Variants in BMAL1 observed in about 807,000 individuals in gnomAD.
BMAL1 encodes the protein basic helix-loop-helix ARNT-like protein 1.
At chr11:13,294,581 G>T in the BMAL1 span, among the ~76,000 whole-genome samples, 1 of 152,330 alleles carries the variant, frequency 6.6e-6, no homozygotes, top group East Asian at 1.9e-4. Context: ...TGAGGAACTT[G>T]TTATAAAGAT....
the BMAL1 span, among the ~76,000 whole-genome samples, chr11:13,324,790 T>C: frequency 6.6e-6 from 1 of 152,192 alleles, no homozygotes; most frequent in African/African-American, 2.4e-5. Context: ...ATGACTGAGT[T>C]AATGCATGCC....
the BMAL1 span, among the ~76,000 whole-genome samples, chr11:13,280,268 C>T: frequency 1.3e-5 from 2 of 152,198 alleles, no homozygotes; most frequent in Admixed American, 6.5e-5. Context: ...CTGCTATTTG[C>T]AGAAGAGGTT....
the BMAL1 span, among the ~76,000 whole-genome samples, chr11:13,377,878 C>T: frequency 6.6e-6 from 1 of 152,238 alleles, no homozygotes; most frequent in South Asian, 2.1e-4. Flanking sequence ...ATTCATCTCT[C>T]AAGACTCAGC....
the BMAL1 span, chr11:13,358,375 A>G: frequency 7.0e-7 from 1 of 1,436,804 alleles, no homozygotes; most frequent in Non-Finnish European, 9.2e-7. Context: ...TATTTTTGTC[A>G]TCTTTTCTTG....
the BMAL1 span, chr11:13,381,181 C>T: frequency 6.2e-7 from 1 of 1,614,172 alleles, no homozygotes. Context: ...TCATCGCCTT[C>T]TAGCTGTGGC....
the BMAL1 span, among the ~76,000 whole-genome samples, chr11:13,317,858 C>T: frequency 2.0e-5 from 3 of 152,198 alleles, no homozygotes; most frequent in Non-Finnish European, 4.4e-5. Flanking sequence ...TACTTTCAGG[C>T]AGAGGTTGAA....
chr11:13,357,217 A>G, the BMAL1 span: 1 of 1,412,250 alleles, frequency 7.1e-7, no homozygotes, highest in South Asian at 1.3e-5. The surrounding 1 kb of genome is among the most constrained non-coding windows in gnomAD (Gnocchi z 4.8). Flanking sequence ...TCACCTCCTT[A>G]GGGAATAGGC....
the BMAL1 span, among the ~76,000 whole-genome samples, chr11:13,318,425 T>A: frequency 2.6e-5 from 4 of 152,134 alleles, no homozygotes; most frequent in Admixed American, 6.5e-5. Context: ...CAACATAAAA[T>A]TTTAAATAAT....
At chr11:13,278,053 G>C in the BMAL1 span, 1 of 151,970 alleles carries the variant, frequency 6.6e-6, no homozygotes, top group Non-Finnish European at 1.5e-5. Context: ...AACCCTGCCC[G>C]ACGTGCCCGC....
At chr11:13,284,257 TATATA>T in the BMAL1 span, among the ~76,000 whole-genome samples, 792 of 28,304 alleles carry the variant, frequency 0.028, 81 homozygotes, top group Non-Finnish European at 0.049. Flanking sequence ...TATATATATA[TATATA>T]TATATTTTTT....
At chr11:13,347,380 C>CA in the BMAL1 span, among the ~76,000 whole-genome samples, 4 of 150,510 alleles carry the variant, frequency 2.7e-5, no homozygotes, top group Non-Finnish European at 5.9e-5. Context: ...GACCCTGTCT[C>CA]AAAAAAAATA....
chr11:13,284,180 G>GTA, the BMAL1 span, among the ~76,000 whole-genome samples: 1,026 of 20,994 alleles, frequency 0.049, 103 homozygotes, highest in African/African-American at 0.065. Flanking sequence ...ATATATATGT[G>GTA]TATATATATA....
the BMAL1 span, among the ~76,000 whole-genome samples, chr11:13,327,655 T>A: frequency 6.6e-6 from 1 of 152,198 alleles, no homozygotes; most frequent in Non-Finnish European, 1.5e-5. Context: ...TTGGACAATT[T>A]TTTCTGATTG....
the BMAL1 span, among the ~76,000 whole-genome samples, chr11:13,323,276 C>T: frequency 6.6e-6 from 1 of 152,122 alleles, no homozygotes; most frequent in African/African-American, 2.4e-5. Flanking sequence ...TCTTGGCAGT[C>T]ACCCATATAT....
At chr11:13,366,789 A>AC in the BMAL1 span, 1 of 1,610,610 alleles carries the variant, frequency 6.2e-7, no homozygotes, top group Admixed American at 1.7e-5. Flanking sequence ...AAAAGTGAGT[A>AC]CCAGAGAGGC....
chr11:13,300,621 T>A, the BMAL1 span, among the ~76,000 whole-genome samples: 1 of 152,230 alleles, frequency 6.6e-6, no homozygotes, highest in Admixed American at 6.5e-5. Context: ...CTGCATCTGA[T>A]GAAAACATAA....
the BMAL1 span, among the ~76,000 whole-genome samples, chr11:13,376,143 G>A: frequency 6.6e-6 from 1 of 152,194 alleles, no homozygotes; most frequent in Admixed American, 6.5e-5. Flanking sequence ...GGCTGAGGAT[G>A]GGGAGGTCTC....
the BMAL1 span, among the ~76,000 whole-genome samples, chr11:13,309,603 A>G: frequency 2.0e-5 from 3 of 152,132 alleles, no homozygotes; most frequent in Non-Finnish European, 4.4e-5. Flanking sequence ...CCATTTTACA[A>G]GTATTTATTG....
At chr11:13,368,156 G>A in the BMAL1 span, among the ~76,000 whole-genome samples, 1 of 152,316 alleles carries the variant, frequency 6.6e-6, no homozygotes, top group East Asian at 1.9e-4. Context: ...TTGCCTTTGA[G>A]GCTCTTAGCA....
Sources: gnomAD v4.1 joint callset for allele counts (sites outside exome capture counted in the v4.1 genomes callset) on GRCh38, gnomAD v4.1.1 for gene constraint, Gnocchi (gnomAD v3.1) non-coding constraint, MANE v1.5 for transcripts, NCBI Gene and HGNC (gene_info 2026-07-23, HGNC 2026-07-21) for gene names.